Variants in IMMP2L observed in about 807,000 individuals in gnomAD.
IMMP2L encodes mitochondrial inner membrane protease subunit 2.
Under a neutral mutation model 19.3 loss-of-function variants are expected in IMMP2L, and 18 were observed. The ratio of observed to expected loss-of-function variants is 0.93; its 90% confidence interval spans 0.64 to 1.38. IMMP2L has a LOEUF of 1.38. Among genes scored for constraint, IMMP2L ranks in the 40% most tolerant of loss-of-function variants. IMMP2L has a pLI of 0.00. For missense variants in IMMP2L, 233 were observed against 218.2 expected (o/e 1.07, Z -0.43); for synonymous variants, 76 against 73.0 (o/e 1.04, Z -0.21).
rs1316457854 is a variant in IMMP2L at position 111,276,315 on chromosome 7, T to C, written c.239+210923A>G. Among the ~76,000 whole-genome samples the C allele has an allele frequency of 2.0e-5, 3 of 152,116 alleles. No homozygotes were observed. In the East Asian group the frequency reaches 5.8e-4, roughly 29 times the overall value. On this transcript the variant is annotated intron_variant, in intron 3 of 5. Transcript: ENST00000405709. The stretch of plus-strand genomic sequence containing the variant: ...TAAATCCCACATGATCATGGTATAT[T>C]AATCTCTTTGATGTGCTGTTGTGTT...
chr7:111,544,640 T>C (rs188733601), intron 1 of IMMP2L, among the ~76,000 whole-genome samples: 2 of 152,218 alleles, frequency 1.3e-5, no homozygotes, highest in African/African-American at 4.8e-5. Context: ...TTCTATTCCA[T>C]TGACTGGGAA....
intron 3 of IMMP2L, among the ~76,000 whole-genome samples, chr7:111,014,349 T>C (rs898193752): frequency 1.3e-5 from 2 of 151,876 alleles, no homozygotes; most frequent in South Asian, 4.2e-4. Context: ...AGTGAGACTC[T>C]GTGTCAAAAG....
chr7:111,017,105 G>T (rs185170218), intron 3 of IMMP2L, among the ~76,000 whole-genome samples: 1 of 147,658 alleles, frequency 6.8e-6, no homozygotes. Flanking sequence ...AAAGAGTCTC[G>T]CTCTGTTGCT....
chr7:111,351,335 C>A (rs144300409), intron 3 of IMMP2L, among the ~76,000 whole-genome samples: 1 of 152,078 alleles, frequency 6.6e-6, no homozygotes, highest in Non-Finnish European at 1.5e-5. Flanking sequence ...AGATTACAGA[C>A]GCGTGCCACC....
At chr7:110,853,894 ATG>A (rs1806488588) in intron 5 of IMMP2L, among the ~76,000 whole-genome samples, 2 of 152,010 alleles carry the variant, frequency 1.3e-5, no homozygotes, top group South Asian at 4.1e-4. Context: ...GTACTTTAAT[ATG>A]TGATAGCCAA....
intron 3 of IMMP2L, among the ~76,000 whole-genome samples, chr7:111,056,493 A>C (rs1332256618): frequency 6.6e-6 from 1 of 152,240 alleles, no homozygotes; most frequent in East Asian, 1.9e-4. Flanking sequence ...GCTATGTTAG[A>C]TATTTAAAAC....
At chr7:110,961,053 C>CA (rs1039884473) in intron 4 of IMMP2L, among the ~76,000 whole-genome samples, 4 of 150,928 alleles carry the variant, frequency 2.7e-5, no homozygotes, top group Admixed American at 6.6e-5. Context: ...GGCAAGGATG[C>CA]AAAAAAAACT....
chr7:111,192,407 A>T (rs1020960239), intron 3 of IMMP2L, among the ~76,000 whole-genome samples: 1 of 152,106 alleles, frequency 6.6e-6, no homozygotes, highest in Non-Finnish European at 1.5e-5. Context: ...ATTTCCTGCT[A>T]TTCTAAAGCC....
chr7:111,222,038 T>C (rs898740138), intron 3 of IMMP2L, among the ~76,000 whole-genome samples: 14 of 151,754 alleles, frequency 9.2e-5, no homozygotes, highest in Non-Finnish European at 1.2e-4. Context: ...ACAAAGTAAA[T>C]GGGGATTTAC....
intron 3 of IMMP2L, among the ~76,000 whole-genome samples, chr7:110,981,160 G>C: frequency 6.6e-6 from 1 of 152,168 alleles, no homozygotes; most frequent in South Asian, 2.1e-4. Flanking sequence ...TCCATACTGT[G>C]TGTTTGACAA....
chr7:110,767,954 A>C (rs1306589715), intron 5 of IMMP2L, among the ~76,000 whole-genome samples: 1 of 152,200 alleles, frequency 6.6e-6, no homozygotes, highest in East Asian at 1.9e-4. Context: ...TTGATTGTCT[A>C]TTATGTGCCA....
intron 3 of IMMP2L, among the ~76,000 whole-genome samples, chr7:111,062,541 C>T (rs191426657): frequency 2.0e-5 from 3 of 152,148 alleles, no homozygotes; most frequent in East Asian, 3.9e-4. Flanking sequence ...AAAGTCTTAA[C>T]TCATTTCAGC....
At chr7:111,391,332 A>G (rs1288389178) in intron 3 of IMMP2L, among the ~76,000 whole-genome samples, 1 of 152,106 alleles carries the variant, frequency 6.6e-6, no homozygotes, top group Non-Finnish European at 1.5e-5. Flanking sequence ...CCCACCCCTG[A>G]GCTTCACACT....
intron 3 of IMMP2L, among the ~76,000 whole-genome samples, chr7:111,339,056 C>G (rs1318133598): frequency 1.3e-5 from 2 of 151,988 alleles, no homozygotes; most frequent in African/African-American, 2.4e-5. Flanking sequence ...ACACTTACCA[C>G]AAAGGAAATT....
chr7:111,423,757 G>C (rs1224332606), intron 3 of IMMP2L, among the ~76,000 whole-genome samples: 1 of 151,666 alleles, frequency 6.6e-6, no homozygotes, highest in Non-Finnish European at 1.5e-5. Flanking sequence ...AACTAGAGAA[G>C]CAAAAGCAAA....
chr7:111,507,512 A>T (rs546634326), intron 2 of IMMP2L, among the ~76,000 whole-genome samples: 82 of 152,214 alleles, frequency 5.4e-4, no homozygotes, highest in African/African-American at 1.9e-3. Context: ...GCAGTAACAG[A>T]TACTTTACTA....
At chr7:111,546,645 T>C (rs950438651) in intron 1 of IMMP2L, among the ~76,000 whole-genome samples, 3 of 152,170 alleles carry the variant, frequency 2.0e-5, no homozygotes, top group African/African-American at 7.2e-5. Context: ...TTGTTCAAAC[T>C]ATATTCCTTA....
chr7:111,058,636 A>G (rs1586008080), intron 3 of IMMP2L, among the ~76,000 whole-genome samples: 1 of 152,318 alleles, frequency 6.6e-6, no homozygotes, highest in Non-Finnish European at 1.5e-5. Context: ...ACTACCTTCT[A>G]ACTCATCTTA....
chr7:110,784,600 C>A (rs1799949644), intron 5 of IMMP2L, among the ~76,000 whole-genome samples: 1 of 151,970 alleles, frequency 6.6e-6, no homozygotes, highest in African/African-American at 2.4e-5. Context: ...CACCCCTCAT[C>A]CATGCTTAAA....
Sources: allele counts gnomAD v4.1 joint callset (sites outside exome capture counted in the v4.1 genomes callset), GRCh38; gene constraint gnomAD v4.1.1; transcripts MANE v1.5; gene names NCBI Gene and HGNC (gene_info 2026-07-23, HGNC 2026-07-21).